RAB38: variants seen among roughly 807,000 people sequenced by gnomAD.
The protein encoded by RAB38 is ras-related protein Rab-38.
A neutral mutation model predicts 18.4 loss-of-function variants in RAB38; 15 were observed. That is an observed-to-expected ratio of 0.82 (90% CI 0.55 to 1.26). The LOEUF (loss-of-function observed/expected upper bound fraction) is 1.26, where lower values mean the gene tolerates loss of function less well. Among genes scored for constraint, RAB38 ranks in the 50% most tolerant of loss-of-function variants. The probability of loss-of-function intolerance (pLI) is 0.00; values close to 1 mark genes in which losing one functional copy is unlikely to be tolerated. For missense variants in RAB38, 294 were observed against 267.4 expected, an observed-to-expected ratio of 1.10 and a Z score of -0.69; for synonymous variants, 101 against 104.4, an observed-to-expected ratio of 0.97 and a Z score of 0.20.
chr11:88,004,364 A>G, the RAB38 span, among the ~76,000 whole-genome samples: 2 of 151,204 alleles, frequency 1.3e-5, no homozygotes, highest in African/African-American at 4.8e-5. Context: ...ATTTACCACA[A>G]TAACAAAATC....
At chr11:87,829,720 A>T in the RAB38 span, among the ~76,000 whole-genome samples, 1 of 152,204 alleles carries the variant, frequency 6.6e-6, no homozygotes, top group Non-Finnish European at 1.5e-5. Flanking sequence ...AAATTATTTT[A>T]AAAAACAAAT....
intron 1 of RAB38, among the ~76,000 whole-genome samples, chr11:88,158,104 A>T (rs1307107350): frequency 6.6e-6 from 1 of 152,192 alleles, no homozygotes. Flanking sequence ...TGACATTACA[A>T]CTGATCCCAC....
At chr11:87,961,383 G>T in the RAB38 span, among the ~76,000 whole-genome samples, 1 of 152,160 alleles carries the variant, frequency 6.6e-6, no homozygotes, top group Non-Finnish European at 1.5e-5. Flanking sequence ...ATTGACATCA[G>T]TGTCCTGAGC....
chr11:88,054,824 T>C, the RAB38 span, among the ~76,000 whole-genome samples: 1 of 152,174 alleles, frequency 6.6e-6, no homozygotes, highest in African/African-American at 2.4e-5. Context: ...AACCCAGTAA[T>C]TGCACAGCGT....
chr11:88,004,314 AATGCAAGTTTG>A, the RAB38 span, among the ~76,000 whole-genome samples: 1 of 151,066 alleles, frequency 6.6e-6, no homozygotes, highest in Non-Finnish European at 1.5e-5. Flanking sequence ...TTGTCCTACG[AATGCAAGTTTG>A]ATATAACTTT....
intron 2 of RAB38, among the ~76,000 whole-genome samples, chr11:88,121,504 C>T (rs1240897390): frequency 2.0e-5 from 3 of 152,210 alleles, no homozygotes; most frequent in African/African-American, 7.2e-5. Context: ...AATACAATCC[C>T]TGAAAGTTTC....
chr11:87,932,308 A>G, the RAB38 span, among the ~76,000 whole-genome samples: 1 of 152,052 alleles, frequency 6.6e-6, no homozygotes, highest in African/African-American at 2.4e-5. Context: ...AAAAAGAGAG[A>G]GAGATTCAGG....
chr11:88,022,141 T>C, the RAB38 span, among the ~76,000 whole-genome samples: 1 of 152,096 alleles, frequency 6.6e-6, no homozygotes, highest in African/African-American at 2.4e-5. Flanking sequence ...ATTGGAAAGA[T>C]CATTCTCCAT....
chr11:88,049,093 C>T, the RAB38 span, among the ~76,000 whole-genome samples: 10 of 152,238 alleles, frequency 6.6e-5, no homozygotes, highest in East Asian at 1.2e-3. Context: ...GTTCCCACGC[C>T]GCCCCTAATC....
the RAB38 span, among the ~76,000 whole-genome samples, chr11:87,916,627 A>C: frequency 1.3e-5 from 2 of 152,210 alleles, no homozygotes; most frequent in South Asian, 4.1e-4. Flanking sequence ...TTTCTTTATA[A>C]GTTACCCAGT....
intron 2 of RAB38, among the ~76,000 whole-genome samples, chr11:88,127,751 A>G (rs1168550561): frequency 6.6e-6 from 1 of 152,214 alleles, no homozygotes; most frequent in African/African-American, 2.4e-5. Context: ...ATCCTCTCTG[A>G]TAGACCAATG....
At chr11:88,026,996 G>A in the RAB38 span, among the ~76,000 whole-genome samples, 19 of 151,952 alleles carry the variant, frequency 1.3e-4, no homozygotes, top group African/African-American at 3.6e-4. Flanking sequence ...TGATTTTTGC[G>A]CAATGACCTC....
chr11:87,817,415 A>G, the RAB38 span: 1 of 152,202 alleles, frequency 6.6e-6, no homozygotes, highest in African/African-American at 2.4e-5. Context: ...GACTTAGGTT[A>G]AAACTCATTT....
the RAB38 span, among the ~76,000 whole-genome samples, chr11:88,032,971 C>T: frequency 6.6e-6 from 1 of 152,140 alleles, no homozygotes; most frequent in Non-Finnish European, 1.5e-5. Context: ...AGACTTGGAA[C>T]CAATCCAAAT....
At chr11:87,900,114 T>C in the RAB38 span, among the ~76,000 whole-genome samples, 1 of 151,654 alleles carries the variant, frequency 6.6e-6, no homozygotes, top group Admixed American at 6.6e-5. Context: ...CAGAAAGATA[T>C]GTAACTATAA....
the RAB38 span, among the ~76,000 whole-genome samples, chr11:88,047,053 G>A: frequency 1.5e-4 from 23 of 152,196 alleles, no homozygotes; most frequent in East Asian, 1.4e-3. Context: ...AGCCGCTGCC[G>A]CCCTAATACT....
At chr11:88,008,654 C>G in the RAB38 span, among the ~76,000 whole-genome samples, 1 of 152,154 alleles carries the variant, frequency 6.6e-6, no homozygotes, top group African/African-American at 2.4e-5. Flanking sequence ...AGGAAATTGT[C>G]AAGGAATGAT....
At chr11:87,976,698 AT>A in the RAB38 span, among the ~76,000 whole-genome samples, 2 of 121,926 alleles carry the variant, frequency 1.6e-5, no homozygotes, top group Non-Finnish European at 3.2e-5. Context: ...TTTACAATAT[AT>A]TTTTACATAT....
the RAB38 span, among the ~76,000 whole-genome samples, chr11:88,078,258 GTT>G: frequency 6.6e-6 from 1 of 151,938 alleles, no homozygotes; most frequent in Non-Finnish European, 1.5e-5. Flanking sequence ...CTGTGTGGAG[GTT>G]CCTCAGAAAA....
Sources: allele counts gnomAD v4.1 joint callset (sites outside exome capture counted in the v4.1 genomes callset), GRCh38; gene constraint gnomAD v4.1.1; transcripts MANE v1.5; gene names NCBI Gene and HGNC (gene_info 2026-07-23, HGNC 2026-07-21).